Variants in GRID2 observed in about 807,000 individuals in gnomAD.
GRID2 encodes the protein glutamate ionotropic receptor delta type subunit 2, also known as glutamate receptor ionotropic, delta-2.
In GRID2, 33 loss-of-function variants were observed where a neutral mutation model predicts 114.8. The ratio of observed to expected loss-of-function variants is 0.29; its 90% CI spans 0.22 to 0.38. The LOEUF is 0.38. Among genes scored for constraint, GRID2 ranks in the 10% least tolerant of loss-of-function variants. The probability of loss-of-function intolerance (pLI) is 1.00; values close to 1 mark genes in which losing one functional copy is unlikely to be tolerated. For synonymous variants in GRID2, 505 were observed against 449.9 expected (o/e 1.12, Z -1.55); for missense variants, 1,184 against 1,257.7 (o/e 0.94, Z 0.89).
intron 13 of GRID2, among the ~76,000 whole-genome samples, chr4:93,560,199 C>T (rs148786995): frequency 8.9e-5 from 10 of 112,034 alleles, no homozygotes; most frequent in African/African-American, 2.8e-4. Context: ...GCATGTTCTA[C>T]GCATGTATTC....
chr4:92,918,319 T>A (rs1303945167), intron 2 of GRID2, among the ~76,000 whole-genome samples: 1 of 152,178 alleles, frequency 6.6e-6, no homozygotes, highest in Admixed American at 6.5e-5. Context: ...TGACTTCCTC[T>A]TTTCCTAATT....
At chr4:92,920,099 T>G (rs4560370) in intron 2 of GRID2, among the ~76,000 whole-genome samples, 21,632 of 152,200 alleles carry the variant, frequency 0.14, 2,087 homozygotes, top group African/African-American at 0.27. Context: ...TACCATTATA[T>G]AATGGCCTTC....
intron 1 of GRID2, among the ~76,000 whole-genome samples, chr4:92,490,139 A>T (rs1723083418): frequency 1.3e-5 from 2 of 152,196 alleles, no homozygotes; most frequent in African/African-American, 4.8e-5. Context: ...GCTTTATAGT[A>T]ATAGATGATA....
rs190940423 is a variant in GRID2, at chr4:92,921,333, C to G, written c.245-163662C>G. On this transcript the variant is annotated intron_variant, in intron 2 of 15. Coordinates refer to ENST00000282020, the MANE Select transcript of GRID2 (RefSeq NM_001510.4). ...TGCAGAGTAGTTTGATCGTCTGAAGCTTTCTTCTCTCAACTCGTCAAAGTC... is the reference window on the plus strand; with the variant it reads ...TGCAGAGTAGTTTGATCGTCTGAAGGTTTCTTCTCTCAACTCGTCAAAGTC... Among the ~76,000 whole-genome samples, 399 of 152,214 alleles carry G rather than the reference C, an allele frequency of 2.6e-3. 5 individuals are homozygous for G. Among genetic ancestry groups the G allele is most frequent in the African/African-American group, 9.3e-3 (385 of 41,536 alleles).
At chr4:92,458,648 C>T (rs897300842) in intron 1 of GRID2, among the ~76,000 whole-genome samples, 2 of 152,098 alleles carry the variant, frequency 1.3e-5, no homozygotes, top group Non-Finnish European at 2.9e-5. Context: ...TTTCATATAG[C>T]AATCTTAATT....
intron 1 of GRID2, among the ~76,000 whole-genome samples, chr4:92,395,074 A>G (rs1730427077): frequency 6.6e-6 from 1 of 151,572 alleles, no homozygotes; most frequent in South Asian, 2.1e-4. Context: ...TCTAAATTAA[A>G]TAAACAATGA....
chr4:93,631,998 G>A (rs1045506900), intron 14 of GRID2, among the ~76,000 whole-genome samples: 3 of 152,098 alleles, frequency 2.0e-5, no homozygotes, highest in Admixed American at 6.6e-5. Context: ...GTCCCTTTTG[G>A]CTGCATAAAA....
intron 2 of GRID2, among the ~76,000 whole-genome samples, chr4:93,014,152 T>G (rs1017065566): frequency 2.6e-5 from 4 of 152,086 alleles, no homozygotes; most frequent in African/African-American, 9.7e-5. Context: ...AGTGTTTTAG[T>G]TTGTTCAGGC....
intron 1 of GRID2, among the ~76,000 whole-genome samples, chr4:92,554,718 T>A (rs550836750): frequency 3.6e-4 from 55 of 152,312 alleles, no homozygotes; most frequent in Admixed American, 3.1e-3. Flanking sequence ...AAGTAGTTAT[T>A]CTAGCAGTAA....
chr4:93,179,758 T>G (rs1194598006), intron 4 of GRID2, among the ~76,000 whole-genome samples: 1 of 152,152 alleles, frequency 6.6e-6, no homozygotes, highest in Non-Finnish European at 1.5e-5. Context: ...ACAAAAATAG[T>G]AAGTAGTAGA....
chr4:93,143,673 G>C (rs1161471424), intron 4 of GRID2, among the ~76,000 whole-genome samples: 1 of 152,010 alleles, frequency 6.6e-6, no homozygotes, highest in Admixed American at 6.6e-5. Flanking sequence ...AAACTCAACT[G>C]TTTTATTTAA....
intron 8 of GRID2, among the ~76,000 whole-genome samples, chr4:93,249,468 A>G (rs1748590727): frequency 6.6e-6 from 1 of 152,174 alleles, no homozygotes; most frequent in African/African-American, 2.4e-5. Context: ...TTTGGGCAGC[A>G]TGGCCAACTT....
intron 14 of GRID2, among the ~76,000 whole-genome samples, chr4:93,650,738 G>C (rs10516934): frequency 0.46 from 69,252 of 151,956 alleles, 17,252 homozygotes; most frequent in African/African-American, 0.66. Flanking sequence ...GACCTTCAGT[G>C]CATGTAGAAA....
intron 2 of GRID2, among the ~76,000 whole-genome samples, chr4:92,923,889 T>C (rs1207800473): frequency 3.9e-4 from 59 of 152,242 alleles, no homozygotes; most frequent in Admixed American, 3.7e-3. Flanking sequence ...CCCAGCAATC[T>C]GATTACTGGG....
Position 92,309,864 on chromosome 4 carries a change from G to A in GRID2, c.88+5120G>A, listed in dbSNP as rs1371195108. 2.6e-5 allele frequency among the ~76,000 whole-genome samples: 4 copies of A among 151,914 alleles called. No homozygotes were observed. The South Asian group carries it at 8.3e-4, about 32-fold the overall frequency. ...GATGCAAGTGTGTTTAATACTGCTG[G>A]AGTAAACACACATTAGTGAATAAAG... On this transcript the variant is annotated intron_variant, in intron 1 of 15. Coordinates refer to ENST00000282020, the MANE Select transcript of GRID2 (RefSeq NM_001510.4).
chr4:93,089,663 G>A (rs1319146233), intron 3 of GRID2, among the ~76,000 whole-genome samples: 1 of 152,048 alleles, frequency 6.6e-6, no homozygotes, highest in African/African-American at 2.4e-5. Context: ...CTGAAAATCT[G>A]TAGTCCCGGG....
intron 2 of GRID2, among the ~76,000 whole-genome samples, chr4:92,700,171 G>T (rs1308102402): frequency 1.3e-5 from 2 of 152,120 alleles, no homozygotes; most frequent in African/African-American, 4.8e-5. Context: ...CAACAGACAA[G>T]TCTTGGGAAA....
intron 2 of GRID2, among the ~76,000 whole-genome samples, chr4:92,692,189 A>C (rs2149293769): frequency 6.6e-6 from 1 of 152,316 alleles, no homozygotes; most frequent in Non-Finnish European, 1.5e-5. Flanking sequence ...TAAGAAACAA[A>C]TTAGACAAAT....
intron 4 of GRID2, among the ~76,000 whole-genome samples, chr4:93,114,320 T>G (rs1386223480): frequency 1.3e-5 from 2 of 152,172 alleles, no homozygotes; most frequent in Non-Finnish European, 2.9e-5. Flanking sequence ...CAATTTCAAC[T>G]GATATGATCT....
Sources: allele counts gnomAD v4.1 joint callset (sites outside exome capture counted in the v4.1 genomes callset), GRCh38; gene constraint gnomAD v4.1.1; transcripts MANE v1.5; gene names NCBI Gene and HGNC (gene_info 2026-07-23, HGNC 2026-07-21).